GMDS: variants seen among roughly 807,000 people sequenced by gnomAD.
GMDS encodes the protein GDP-mannose 4,6-dehydratase, also known as GDP-mannose 4,6 dehydratase.
Under a neutral mutation model 49.9 loss-of-function variants are expected in GMDS, and 20 were observed. That is an observed-to-expected ratio of 0.40 (90% confidence interval 0.28 to 0.58). The LOEUF (loss-of-function observed/expected upper bound fraction) is 0.58, where lower values mean the gene tolerates loss of function less well. Among genes scored for constraint, GMDS ranks in the 20% least tolerant of loss-of-function variants. The probability of loss-of-function intolerance (pLI) is 0.42; values close to 1 mark genes in which losing one functional copy is unlikely to be tolerated. For synonymous variants in GMDS, 177 were observed against 178.6 expected, an observed-to-expected ratio of 0.99 and a Z score of 0.07; for missense variants, 362 against 481.4, an observed-to-expected ratio of 0.75 and a Z score of 2.32.
chr6:2,138,145 C>CA (rs535189609), intron 1 of GMDS, among the ~76,000 whole-genome samples: 9 of 151,224 alleles, frequency 6.0e-5, no homozygotes, highest in Non-Finnish European at 1.0e-4. Flanking sequence ...TTATTTTTGG[C>CA]AAAAAAAATT....
At chr6:1,700,094 G>A (rs1226044642) in intron 9 of GMDS, among the ~76,000 whole-genome samples, 1 of 152,214 alleles carries the variant, frequency 6.6e-6, no homozygotes. Context: ...CAAAGTGTAT[G>A]AGCTCCCACA....
At chr6:1,946,864 C>A (rs1763096250) in intron 6 of GMDS, among the ~76,000 whole-genome samples, 1 of 152,184 alleles carries the variant, frequency 6.6e-6, no homozygotes, top group Admixed American at 6.5e-5. Context: ...GCTCTCTAGG[C>A]ATGTTTCACA....
intron 9 of GMDS, among the ~76,000 whole-genome samples, chr6:1,715,824 A>G (rs1325731365): frequency 2.0e-5 from 3 of 152,236 alleles, no homozygotes; most frequent in Admixed American, 6.5e-5. Context: ...TAGAATTTCA[A>G]TAAGGGACTA....
At chr6:2,082,575 C>T (rs1019254192) in intron 4 of GMDS, among the ~76,000 whole-genome samples, 3 of 152,158 alleles carry the variant, frequency 2.0e-5, no homozygotes, top group Non-Finnish European at 4.4e-5. Context: ...AAATTAAATC[C>T]TAAATCTCAC....
At chr6:1,695,879 G>A (rs1040082466) in intron 9 of GMDS, among the ~76,000 whole-genome samples, 1 of 150,720 alleles carries the variant, frequency 6.6e-6, no homozygotes, top group African/African-American at 2.4e-5. Flanking sequence ...GTGGCCAGAA[G>A]GCAATCACAA....
intron 8 of GMDS, among the ~76,000 whole-genome samples, chr6:1,737,571 A>G (rs1420021897): frequency 1.3e-5 from 2 of 150,104 alleles, no homozygotes; most frequent in Non-Finnish European, 3.0e-5. Context: ...CACACACCAC[A>G]CACACAAAAA....
At chr6:2,148,688 G>C (rs1776695180) in intron 1 of GMDS, among the ~76,000 whole-genome samples, 1 of 152,178 alleles carries the variant, frequency 6.6e-6, no homozygotes, top group African/African-American at 2.4e-5. Context: ...CCAAAGTGCT[G>C]GGATTACAGG....
chr6:1,968,565 C>T (rs1764395549), intron 4 of GMDS, among the ~76,000 whole-genome samples: 1 of 152,092 alleles, frequency 6.6e-6, no homozygotes, highest in African/African-American at 2.4e-5. Context: ...GGTCCTGAGT[C>T]TCTCATAATG....
In GMDS at chr6:1,640,426, C is replaced by T. The variant is rs574588950; in HGVS notation, c.988-15886G>A. Among the ~76,000 whole-genome samples, 7 of 152,258 alleles carry T rather than the reference C, an allele frequency of 4.6e-5. No individual in the cohort carries two copies. Among genetic ancestry groups the T allele is most frequent in the Admixed American group, 1.3e-4 (2 of 15,298 alleles). On this transcript the variant is annotated intron_variant, in intron 9 of 10. Transcript: ENST00000380815. This position sits in a 1 kb window ranked among gnomAD's most constrained non-coding sequence, Gnocchi z 4.0. ...TGCACCTGTCACGGGGTAAGGCCTT[C>T]CACGTATGCTCGCTCTCCTCCTGCC...
At chr6:1,683,209 T>C (rs1024809670) in intron 9 of GMDS, among the ~76,000 whole-genome samples, 13 of 152,130 alleles carry the variant, frequency 8.5e-5, no homozygotes, top group African/African-American at 1.9e-4. Context: ...CTGCAAGCTC[T>C]GCCTCCCGGG....
At chr6:2,061,474 T>G (rs1161539112) in intron 4 of GMDS, among the ~76,000 whole-genome samples, 1 of 151,992 alleles carries the variant, frequency 6.6e-6, no homozygotes, top group African/African-American at 2.4e-5. Context: ...CCCAACACTT[T>G]GGGAGGTTGA....
intron 2 of GMDS, among the ~76,000 whole-genome samples, chr6:2,122,384 C>T (rs1433668828): frequency 6.6e-6 from 1 of 152,152 alleles, no homozygotes; most frequent in Non-Finnish European, 1.5e-5. Context: ...AGTCTGTAAG[C>T]ATCCAAAATT....
intron 4 of GMDS, among the ~76,000 whole-genome samples, chr6:2,003,428 T>A (rs1185795987): frequency 1.3e-5 from 2 of 152,160 alleles, no homozygotes; most frequent in Admixed American, 6.5e-5. Flanking sequence ...AAATGACTAG[T>A]GTAAACAATC....
chr6:2,093,611 T>C (rs1488689418), intron 4 of GMDS, among the ~76,000 whole-genome samples: 1 of 152,174 alleles, frequency 6.6e-6, no homozygotes, highest in East Asian at 1.9e-4. Context: ...TTCTGCATTA[T>C]TCTTCAAGGT....
chr6:1,655,471 A>G (rs558431182), intron 9 of GMDS, among the ~76,000 whole-genome samples: 5 of 126,080 alleles, frequency 4.0e-5, no homozygotes, highest in African/African-American at 1.4e-4. Context: ...TACGTTTGAA[A>G]GCCTTACACA....
chr6:2,239,319 A>T (rs1781506292), intron 1 of GMDS, among the ~76,000 whole-genome samples: 1 of 148,540 alleles, frequency 6.7e-6, no homozygotes, highest in Admixed American at 6.6e-5. Flanking sequence ...CAACAGAGTA[A>T]GATCTGTCTC....
intron 9 of GMDS, among the ~76,000 whole-genome samples, chr6:1,664,349 G>A (rs1197450560): frequency 6.6e-6 from 1 of 152,132 alleles, no homozygotes; most frequent in African/African-American, 2.4e-5. Context: ...CCTCTCACCT[G>A]CCCACCCCCT....
intron 7 of GMDS, among the ~76,000 whole-genome samples, chr6:1,879,874 T>G (rs10484694): frequency 0.34 from 51,240 of 151,900 alleles, 8,669 homozygotes; most frequent in African/African-American, 0.41. Flanking sequence ...TTTTGAACCC[T>G]GATACTGTAT....
chr6:1,747,502 A>G (rs1387122792), intron 7 of GMDS, among the ~76,000 whole-genome samples: 3 of 149,388 alleles, frequency 2.0e-5, no homozygotes, highest in Non-Finnish European at 4.5e-5. Context: ...ACACACACAC[A>G]CACACACTTA....
Sources: gnomAD v4.1 joint callset for allele counts (sites outside exome capture counted in the v4.1 genomes callset) on GRCh38, gnomAD v4.1.1 for gene constraint, Gnocchi (gnomAD v3.1) non-coding constraint, MANE v1.5 for transcripts, NCBI Gene and HGNC (gene_info 2026-07-23, HGNC 2026-07-21) for gene names.